SORCS1: variants seen among roughly 807,000 people sequenced by gnomAD.
The protein encoded by SORCS1 is VPS10 domain-containing receptor SorCS1.
A neutral mutation model predicts 146.1 loss-of-function variants in SORCS1; 60 were observed. That is an observed-to-expected ratio of 0.41 (90% CI 0.33 to 0.51). The LOEUF is 0.51. SORCS1 is among the 20% of genes least tolerant of loss of function. SORCS1 has a pLI of 0.21. For synonymous variants in SORCS1, 637 were observed against 584.0 expected, an observed-to-expected ratio of 1.09 and a Z score of -1.31; for missense variants, 1,352 against 1,487.6, an observed-to-expected ratio of 0.91 and a Z score of 1.50.
chr10:107,168,128 T>C (rs890135289), upstream of SORCS1, among the ~76,000 whole-genome samples: 3 of 152,202 alleles, frequency 2.0e-5, no homozygotes, highest in Non-Finnish European at 4.4e-5. Flanking sequence ...CGCCAACCAT[T>C]AGGGGCTATC....
Position 106,772,470 on chromosome 10 carries a change from ATCTCTCTC to A in SORCS1, c.885+4056_885+4063del, listed in dbSNP as rs370234577. ...AATCAATCAATCAATCAATCAATCA[ATCTCTCTC>A]TCTCTCTCTCTCCCCTCCTCTCTCT... On this transcript the variant is annotated intron_variant, in intron 4 of 25. Transcript: ENST00000263054. 5.4e-4 allele frequency among the ~76,000 whole-genome samples: 69 copies of A among 127,558 alleles called. 1 individual carries two copies. The highest frequency in any genetic ancestry group is 8.7e-4 in the Non-Finnish European group (51 of 58,560). The allele number at this position is 127,558 out of a possible 152,430, so 83.7% of individuals were successfully genotyped here. A position where few individuals can be genotyped will look rare whatever the true frequency, so the allele number is the denominator to read the frequency against.
At chr10:106,774,205 C>T (rs1860251147) in intron 4 of SORCS1, among the ~76,000 whole-genome samples, 1 of 152,112 alleles carries the variant, frequency 6.6e-6, no homozygotes, top group Non-Finnish European at 1.5e-5. Flanking sequence ...GCATCTGATG[C>T]CAGGACTGCT....
intron 3 of SORCS1, among the ~76,000 whole-genome samples, chr10:106,795,892 T>C (rs752813645): frequency 2.3e-4 from 35 of 152,112 alleles, no homozygotes; most frequent in Non-Finnish European, 3.8e-4. Context: ...CCAACTAACA[T>C]CTGTGAGCCC....
intron 1 of SORCS1, among the ~76,000 whole-genome samples, chr10:106,973,652 C>T (rs910944724): frequency 3.9e-5 from 6 of 152,190 alleles, no homozygotes; most frequent in African/African-American, 1.4e-4. Flanking sequence ...AAAATTGAAC[C>T]TCTCCTTTAG....
intron 19 of SORCS1, among the ~76,000 whole-genome samples, chr10:106,625,169 T>G (rs1001376528): frequency 6.6e-6 from 1 of 151,576 alleles, no homozygotes; most frequent in Non-Finnish European, 1.5e-5. Flanking sequence ...AGGAAACAAC[T>G]GACGCCCGTG....
intron 1 of SORCS1, among the ~76,000 whole-genome samples, chr10:107,001,617 C>A (rs974528270): frequency 6.6e-6 from 1 of 152,168 alleles, no homozygotes; most frequent in African/African-American, 2.4e-5. Context: ...GCACGTGCCA[C>A]CACACCCAGC....
At chr10:107,011,367 G>A (rs1271370810) in intron 1 of SORCS1, among the ~76,000 whole-genome samples, 1 of 152,196 alleles carries the variant, frequency 6.6e-6, no homozygotes, top group African/African-American at 2.4e-5. Flanking sequence ...CTCATCAAGA[G>A]CAGATGATAA....
rs1256576639 is a variant in SORCS1, at chr10:106,799,172, G to A, written c.727-22480C>T. On this transcript the variant is annotated intron_variant, in intron 3 of 25. Coordinates refer to ENST00000263054, the MANE Select transcript of SORCS1 (RefSeq NM_052918.5). ...TAAATGGTGCTGGGAAAACTGGCTA[G>A]CCATATGTAGAAAGCTGAAACTGGA... Among the ~76,000 whole-genome samples the A allele has an allele frequency of 3.3e-5, 5 of 152,186 alleles. No homozygotes were observed. The East Asian group carries it at 9.6e-4, about 29-fold the overall frequency.
intron 1 of SORCS1, among the ~76,000 whole-genome samples, chr10:107,143,948 A>C (rs1468344896): frequency 1.3e-5 from 2 of 151,806 alleles, no homozygotes; most frequent in Admixed American, 1.3e-4. Flanking sequence ...CTTTCAATCT[A>C]GTTTGCAAGG....
At chr10:107,006,243 T>C (rs1396109866) in intron 1 of SORCS1, among the ~76,000 whole-genome samples, 1 of 152,188 alleles carries the variant, frequency 6.6e-6, no homozygotes, top group Admixed American at 6.5e-5. Flanking sequence ...AAAAAGCTCT[T>C]AACCTATATC....
rs896531487 is a variant in SORCS1, at chr10:106,729,994, A to C, written c.1024+56T>G. 5 of 1,541,330 alleles carry C rather than the reference A, an allele frequency of 3.2e-6. No individual in the cohort carries two copies. The African/African-American group carries it at 5.5e-5, about 17-fold the overall frequency. On this transcript the variant is annotated intron_variant, in intron 6 of 25. Transcript: ENST00000263054. ...GATTATTACACAGACTCAGTTCATG[A>C]CAGAGTCATAGAACTAATATTACTA...
At chr10:107,023,673 G>A (rs1200820923) in intron 1 of SORCS1, among the ~76,000 whole-genome samples, 1 of 152,096 alleles carries the variant, frequency 6.6e-6, no homozygotes, top group East Asian at 1.9e-4. Context: ...CCTAAAATGG[G>A]AGGAAAAGAT....
chr10:106,919,982 A>G (rs933366295), intron 2 of SORCS1, among the ~76,000 whole-genome samples: 4 of 152,230 alleles, frequency 2.6e-5, no homozygotes, highest in Non-Finnish European at 5.9e-5. Flanking sequence ...CACTTTTAAA[A>G]TGGGTATGCT....
rs1040243583 is a variant in SORCS1 at position 106,848,002 on chromosome 10, C to A, written c.627-18329G>T. Reference sequence around the variant, plus strand: ...CATTTGCTGAGGAGAGCTTTACTTCCAACTATGTGGTCAATTTTGGAATAG... The same window carrying A: ...CATTTGCTGAGGAGAGCTTTACTTCAAACTATGTGGTCAATTTTGGAATAG... On this transcript the variant is annotated intron_variant, in intron 2 of 25. Coordinates refer to ENST00000263054, the MANE Select transcript of SORCS1 (RefSeq NM_052918.5). Among the ~76,000 whole-genome samples the A allele has an allele frequency of 2.1e-5, 3 of 144,818 alleles. 1 individual carries two copies. Among genetic ancestry groups the A allele is most frequent in the African/African-American group, 5.2e-5 (2 of 38,214 alleles).
At position 106,718,470 on chromosome 10, in the gene SORCS1, T is replaced by C. The variant is rs558736415; in HGVS notation, c.1025-9129A>G. Among the ~76,000 whole-genome samples the C allele has an allele frequency of 3.3e-5, 5 of 152,360 alleles. No homozygotes were observed. The East Asian group carries it at 9.6e-4, about 29-fold the overall frequency. ...TTCAGATGTGTCCAGAGTTTCTTCC[T>C]TCTGGTGGGTTCGTGGTCTTTCTGA... is the stretch of plus-strand genomic sequence containing the variant. On this transcript the variant is annotated intron_variant, in intron 6 of 25. Transcript: ENST00000263054.
intron 2 of SORCS1, among the ~76,000 whole-genome samples, chr10:106,955,289 C>T (rs1425942231): frequency 6.6e-6 from 1 of 152,264 alleles, no homozygotes; most frequent in South Asian, 2.1e-4. Context: ...CGTCCAGACA[C>T]CAGCGCCCAA....
chr10:106,650,499 T>C (rs1229073479), intron 18 of SORCS1, among the ~76,000 whole-genome samples: 1 of 152,192 alleles, frequency 6.6e-6, no homozygotes, highest in Non-Finnish European at 1.5e-5. Flanking sequence ...TACTTGGGTA[T>C]TATGAAATAC....
intron 18 of SORCS1, among the ~76,000 whole-genome samples, chr10:106,629,937 G>C (rs917371240): frequency 2.0e-5 from 3 of 151,704 alleles, no homozygotes; most frequent in African/African-American, 7.3e-5. Flanking sequence ...CCAGCTACTC[G>C]GGGGGGCTGA....
intron 3 of SORCS1, among the ~76,000 whole-genome samples, chr10:106,822,782 G>GTTTTTTTTTTTTTTTTTTTTTTT (rs1158921880): frequency 1.1e-4 from 12 of 113,164 alleles, no homozygotes; most frequent in Admixed American, 1.9e-4. Flanking sequence ...TTCATGTGTG[G>GTTTTTTTTTTTTTTTTTTTTTTT]TTTTTTTTTT....
Sources: gnomAD v4.1 joint callset for allele counts (sites outside exome capture counted in the v4.1 genomes callset) on GRCh38, gnomAD v4.1.1 for gene constraint, MANE v1.5 for transcripts, NCBI Gene and HGNC (gene_info 2026-07-23, HGNC 2026-07-21) for gene names.